The following SASH1 variants were observed in gnomAD, a reference collection of about 807,000 sequenced individuals.
The protein encoded by SASH1 is SAM and SH3 domain-containing protein 1.
In SASH1, 44 loss-of-function variants were observed where a neutral mutation model predicts 125.2. The ratio of observed to expected loss-of-function variants is 0.35; its 90% CI spans 0.28 to 0.45. SASH1 has a LOEUF of 0.45. Among genes scored for constraint, SASH1 ranks in the 20% least tolerant of loss-of-function variants. The pLI is 1.00. For missense variants in SASH1, 1,426 were observed against 1,614.5 expected, an observed-to-expected ratio of 0.88 and a Z score of 2.00; for synonymous variants, 639 against 649.1, an observed-to-expected ratio of 0.98 and a Z score of 0.24.
At position 148,381,617 on chromosome 6, in the gene SASH1, CTTTTTTTTT is replaced by C. The variant is rs201145545; in HGVS notation, c.157-8499_157-8491del. 9.4e-4 allele frequency among the ~76,000 whole-genome samples: 73 copies of C among 77,894 alleles called. 1 individual carries two copies. The highest frequency in any genetic ancestry group is 3.4e-3 in the African/African-American group (64 of 19,086). 51.1% of individuals were successfully genotyped at this position (77,894 alleles called of 152,430 possible). A position where few individuals can be genotyped will look rare whatever the true frequency, so the allele number is the denominator to read the frequency against. ...ACTCCATCAGTGCCTTTCTTGCTTTCTTTTTTTTTTTTTTTTTTTTTTTTTTGAGACAGA... is the reference window on the plus strand; with the variant it reads ...ACTCCATCAGTGCCTTTCTTGCTTTCTTTTTTTTTTTTTTTTTGAGACAGA... On this transcript the variant is annotated intron_variant, in intron 1 of 19. Transcript: ENST00000367467.
At chr6:148,516,727 C>T (rs6570860) in intron 9 of SASH1, among the ~76,000 whole-genome samples, 17,707 of 148,936 alleles carry the variant, frequency 0.12, 1,119 homozygotes, top group South Asian at 0.14. Flanking sequence ...AATGAGGAAC[C>T]TGAGACTCAA....
intron 1 of SASH1, among the ~76,000 whole-genome samples, chr6:148,359,411 G>A (rs908421573): frequency 2.7e-5 from 4 of 150,874 alleles, no homozygotes; most frequent in African/African-American, 7.3e-5. Flanking sequence ...AATACCGTGC[G>A]CTCATTTTGA....
At chr6:148,513,473 G>T in intron 8 of SASH1, 4 of 985,454 alleles carry the variant, frequency 4.1e-6, no homozygotes, top group Non-Finnish European at 4.8e-6. Flanking sequence ...GGATGTTGGA[G>T]CTGACTTAGA....
rs934929165 is a variant in SASH1 at position 148,294,266 on chromosome 6, C to T, written n.74+21889C>T. ...AAGAATTCAAATGAGGCTACACAGCCAAGAAACTGTCGCAGGATCAGCGGT... is the reference window on the plus strand; with the variant it reads ...AAGAATTCAAATGAGGCTACACAGCTAAGAAACTGTCGCAGGATCAGCGGT... On this transcript the variant is annotated intron_variant and non_coding_transcript_variant, in intron 1 of 3. Transcript: ENST00000367469. Among the ~76,000 whole-genome samples, 4 of 152,332 alleles carry T rather than the reference C, an allele frequency of 2.6e-5. No individual in the cohort carries two copies. In the South Asian group the frequency reaches 6.2e-4, roughly 24 times the overall value.
intron 1 of SASH1, among the ~76,000 whole-genome samples, chr6:148,277,026 T>A (rs1779204109): frequency 1.3e-5 from 2 of 152,174 alleles, no homozygotes; most frequent in South Asian, 4.1e-4. Flanking sequence ...ACTCATTTAA[T>A]CCTCACAACA....
intron 1 of SASH1, among the ~76,000 whole-genome samples, chr6:148,324,686 G>A (rs1260684851): frequency 1.3e-5 from 2 of 152,142 alleles, no homozygotes; most frequent in Admixed American, 6.6e-5. Context: ...GAATTTTTGG[G>A]AAGAATAAAG....
intron 1 of SASH1, among the ~76,000 whole-genome samples, chr6:148,380,292 C>G (rs1783081440): frequency 6.6e-6 from 1 of 152,170 alleles, no homozygotes; most frequent in South Asian, 2.1e-4. Context: ...CACAAAAACT[C>G]AAATATTGTA....
chr6:148,382,020 T>G (rs1783160182), intron 1 of SASH1, among the ~76,000 whole-genome samples: 1 of 152,196 alleles, frequency 6.6e-6, no homozygotes, highest in Non-Finnish European at 1.5e-5. Context: ...AAAGACTCTG[T>G]GGGGGATTGT....
the SASH1 span, among the ~76,000 whole-genome samples, chr6:148,242,481 C>T: frequency 2.0e-5 from 3 of 152,190 alleles, no homozygotes; most frequent in Admixed American, 6.5e-5. Flanking sequence ...ATAACAAAGA[C>T]TCCAATTTCT....
chr6:148,270,508 C>T (rs939009886), upstream of SASH1, among the ~76,000 whole-genome samples: 15 of 151,994 alleles, frequency 9.9e-5, no homozygotes, highest in Non-Finnish European at 1.8e-4. Flanking sequence ...AACCCCCCAA[C>T]CAAAAAAAGC....
At chr6:148,387,611 T>G (rs373366693) in intron 1 of SASH1, among the ~76,000 whole-genome samples, 3 of 30,350 alleles carry the variant, frequency 9.9e-5, no homozygotes, top group African/African-American at 1.6e-4. Context: ...TTTCTTTCTT[T>G]CTTTCTTTCT....
chr6:148,453,405 T>C (rs1453165366), intron 4 of SASH1, among the ~76,000 whole-genome samples: 2 of 152,198 alleles, frequency 1.3e-5, no homozygotes, highest in African/African-American at 2.4e-5. Flanking sequence ...GCTTAGTGCG[T>C]GCTCCCTGCA....
intron 1 of SASH1, among the ~76,000 whole-genome samples, chr6:148,353,396 G>A (rs117874594): frequency 0.02 from 2,980 of 150,924 alleles, 32 homozygotes; most frequent in Non-Finnish European, 0.03. Flanking sequence ...TTTAAATGAA[G>A]GGATGATGTT....
chr6:148,509,041 A>C (rs1779967190), intron 8 of SASH1, among the ~76,000 whole-genome samples: 1 of 151,970 alleles, frequency 6.6e-6, no homozygotes, highest in African/African-American at 2.4e-5. Context: ...GGTAACCCTG[A>C]GCATTTTTGC....
intron 1 of SASH1, among the ~76,000 whole-genome samples, chr6:148,369,665 C>T (rs983566154): frequency 6.6e-5 from 10 of 151,888 alleles, no homozygotes; most frequent in East Asian, 5.8e-4. Context: ...ACAAAAAAAC[C>T]CAACCTGGCC....
chr6:148,327,955 A>T (rs1271707975), intron 1 of SASH1, among the ~76,000 whole-genome samples: 1 of 149,862 alleles, frequency 6.7e-6, no homozygotes, highest in Non-Finnish European at 1.5e-5. Context: ...AAAAAAAAAA[A>T]AGAAAAAGAA....
At chr6:148,224,371 T>A in the SASH1 span, among the ~76,000 whole-genome samples, 1 of 152,084 alleles carries the variant, frequency 6.6e-6, no homozygotes, top group South Asian at 2.1e-4. Flanking sequence ...CCCAGCCTTT[T>A]TTTTTTTGAG....
intron 1 of SASH1, among the ~76,000 whole-genome samples, chr6:148,309,480 C>T (rs1332044285): frequency 1.4e-4 from 22 of 152,126 alleles, no homozygotes; most frequent in Non-Finnish European, 3.2e-4. Flanking sequence ...CCACCCATAT[C>T]CACCCACTAG....
intron 4 of SASH1, 122 bp from the exon 5 acceptor site, chr6:148,468,423 C>T: frequency 2.9e-6 from 2 of 695,416 alleles, no homozygotes; most frequent in South Asian, 2.0e-5. Flanking sequence ...GGTAAATAGC[C>T]TATAACAATT....
Sources: allele counts gnomAD v4.1 joint callset (sites outside exome capture counted in the v4.1 genomes callset), GRCh38; gene constraint gnomAD v4.1.1; transcripts MANE v1.5; gene names NCBI Gene and HGNC (gene_info 2026-07-23, HGNC 2026-07-21).